Variants in C2orf92 observed in about 807,000 individuals in gnomAD.
C2orf92 encodes the protein chromosome 2 open reading frame 92.
intron 3 of C2orf92, among the ~76,000 whole-genome samples, chr2:97,677,152 A>C (rs1280932290): frequency 6.6e-6 from 1 of 152,224 alleles, no homozygotes; most frequent in Non-Finnish European, 1.5e-5. Flanking sequence ...GACGGGCAGC[A>C]GTGTGGATAG....
At chr2:97,702,369 C>A (rs1023035041) in intron 7 of C2orf92, among the ~76,000 whole-genome samples, 1 of 152,196 alleles carries the variant, frequency 6.6e-6, no homozygotes, top group Non-Finnish European at 1.5e-5. Context: ...TTGGACCTGC[C>A]ATTTTCCCTC....
upstream of C2orf92, chr2:97,669,104 G>T (rs1386712068): frequency 6.6e-6 from 1 of 152,092 alleles, no homozygotes; most frequent in Admixed American, 6.5e-5. Context: ...GAAAAAACTA[G>T]AAAAAAGTGT....
intron 1 of C2orf92, among the ~76,000 whole-genome samples, chr2:97,673,566 G>A (rs965256815): frequency 6.6e-6 from 1 of 152,202 alleles, no homozygotes; most frequent in South Asian, 2.1e-4. Context: ...TAAATACTGT[G>A]GTCAACTGAA....
chr2:97,690,135 C>CAAA, intron 4 of C2orf92, 121 bp from the exon 5 acceptor site: 2 of 320,928 alleles, frequency 6.2e-6, no homozygotes, highest in East Asian at 4.3e-5. Context: ...TCTCAAAAGA[C>CAAA]AAAAAAAAAC....
intron 3 of C2orf92, among the ~76,000 whole-genome samples, chr2:97,682,864 G>A (rs990957351): frequency 6.6e-6 from 1 of 152,012 alleles, no homozygotes; most frequent in Non-Finnish European, 1.5e-5. Context: ...ATGATATCGT[G>A]CTCAATGTTG....
At position 97,696,926 on chromosome 2, in the gene C2orf92, A is replaced by C. The variant is rs369364933; in HGVS notation, c.404-2100A>C. 8.5e-5 allele frequency among the ~76,000 whole-genome samples: 13 copies of C among 152,352 alleles called. No individual in the cohort carries two copies. In the South Asian group the frequency reaches 2.5e-3, roughly 29 times the overall value. ...GCATCAGTCCTAGCAATAACATGCT[A>C]TTAACATGTAATCAAAGGCTCACGT... On this transcript the variant is annotated intron_variant, in intron 5 of 7. Coordinates refer to ENST00000627399, the MANE Select transcript of C2orf92 (RefSeq NM_001351368.2).
chr2:97,683,076 C>CACA (rs1553565169), intron 3 of C2orf92, among the ~76,000 whole-genome samples: 344 of 143,268 alleles, frequency 2.4e-3, no homozygotes, highest in African/African-American at 8.5e-3. Context: ...CATATAGACT[C>CACA]CACACACACA....
intron 5 of C2orf92, 59 bp downstream of exon 5, chr2:97,690,386 CT>C (rs1480000409): frequency 0.044 from 14,054 of 319,392 alleles, 1 homozygote; most frequent in Middle Eastern, 0.069. Context: ...TCTTTTTCCT[CT>C]TTTTTTTTTT....
At chr2:97,672,229 G>A (rs1573200433) in intron 1 of C2orf92, 1 of 151,288 alleles carries the variant, frequency 6.6e-6, no homozygotes, top group African/African-American at 2.4e-5. Context: ...GCTTCCCCCC[G>A]GGTTAGGAGG....
chr2:97,675,394 T>C (rs1407016809), intron 2 of C2orf92, among the ~76,000 whole-genome samples: 2 of 152,244 alleles, frequency 1.3e-5, no homozygotes, highest in Non-Finnish European at 2.9e-5. Flanking sequence ...CCTTGGCAGA[T>C]ACATTTTGAG....
upstream of C2orf92, chr2:97,667,827 TCCCATTGTAATG>T (rs1675285527): frequency 6.6e-6 from 1 of 152,186 alleles, no homozygotes; most frequent in Non-Finnish European, 1.5e-5. Context: ...CCATACTTAT[TCCCATTGTAATG>T]CCCGTTCCTG....
chr2:97,674,389 A>G (rs1291332105), intron 1 of C2orf92, 67 bp from the exon 2 acceptor site: 4 of 397,996 alleles, frequency 1.0e-5, no homozygotes, highest in South Asian at 1.3e-4. Context: ...CATTGTATTC[A>G]TAGTCTGCTT....
rs1675349645 is a variant in C2orf92 at position 97,669,766 on chromosome 2, A to G, written c.-23A>G. ...CCATCAGAAGACTGGCTTCTCCATG[A>G]TGGTTTATGGACTAAGGCAAAGATG... On this transcript the variant is annotated 5_prime_UTR_variant, in exon 1 of 8. An upstream start codon of the reference 5' UTR is lost. Coordinates refer to ENST00000627399, the MANE Select transcript of C2orf92 (RefSeq NM_001351368.2). 2 of 398,668 alleles carry G rather than the reference A, an allele frequency of 5.0e-6. No homozygotes were observed. Among genetic ancestry groups the G allele is most frequent in the Non-Finnish European group, 8.8e-6 (2 of 226,134 alleles). 24.7% of individuals were successfully genotyped at this position (398,668 alleles called of 1,614,324 possible).
At chr2:97,683,254 C>T (rs1675841942) in intron 3 of C2orf92, among the ~76,000 whole-genome samples, 2 of 151,940 alleles carry the variant, frequency 1.3e-5, no homozygotes, top group South Asian at 2.1e-4. Context: ...ATTCCATTTA[C>T]GATTATATCA....
intron 3 of C2orf92, among the ~76,000 whole-genome samples, chr2:97,682,509 A>G (rs539054947): frequency 1.3e-5 from 2 of 152,348 alleles, no homozygotes; most frequent in South Asian, 4.1e-4. Flanking sequence ...CAAAGTCACT[A>G]CAAGAAGACT....
intron 1 of C2orf92, chr2:97,664,545 G>C (rs1413793204): frequency 6.6e-6 from 1 of 150,508 alleles, no homozygotes; most frequent in African/African-American, 2.5e-5. Flanking sequence ...AGCCAGTAGG[G>C]GGGACTACAG....
intron 6 of C2orf92, among the ~76,000 whole-genome samples, chr2:97,700,051 G>T (rs1214722979): frequency 2.0e-5 from 3 of 152,186 alleles, no homozygotes; most frequent in Admixed American, 2.0e-4. Context: ...ATACCTCCAT[G>T]CCTGATTTCC....
upstream of C2orf92, chr2:97,665,803 G>A (rs1485865536): frequency 6.0e-5 from 8 of 132,992 alleles, no homozygotes; most frequent in East Asian, 7.1e-4. Context: ...TTTGAGACAG[G>A]GTCTCACCTT....
At chr2:97,682,386 A>T (rs927680332) in intron 3 of C2orf92, among the ~76,000 whole-genome samples, 3 of 152,220 alleles carry the variant, frequency 2.0e-5, no homozygotes, top group African/African-American at 7.2e-5. Flanking sequence ...AAAAGCTATA[A>T]ATAAGAACTA....
Sources: gnomAD v4.1 joint callset for allele counts (sites outside exome capture counted in the v4.1 genomes callset) on GRCh38, gnomAD v4.1.1 for gene constraint, MANE v1.5 for transcripts, NCBI Gene and HGNC (gene_info 2026-07-23, HGNC 2026-07-21) for gene names.